The following LHFPL6 variants were observed in gnomAD, a reference collection of about 807,000 sequenced individuals.
The protein encoded by LHFPL6 is LHFPL tetraspan subfamily member 6.
In LHFPL6, 9 loss-of-function variants were observed where a neutral mutation model predicts 20.6. That is an observed-to-expected ratio of 0.44 (90% CI 0.26 to 0.76). The LOEUF (loss-of-function observed/expected upper bound fraction) is 0.76, where lower values mean the gene tolerates loss of function less well. Ranked by LOEUF, LHFPL6 falls within the 30% of genes least tolerant of loss-of-function variation. The pLI, the probability that LHFPL6 is intolerant of heterozygous loss-of-function variation, is 0.20. For missense variants in LHFPL6, 218 were observed against 253.5 expected (o/e 0.86, Z 0.95); for synonymous variants, 105 against 98.7 (o/e 1.06, Z -0.38).
At chr13:39,430,007 T>G (rs1871745896) in intron 2 of LHFPL6, among the ~76,000 whole-genome samples, 2 of 152,226 alleles carry the variant, frequency 1.3e-5, no homozygotes, top group South Asian at 2.1e-4. Flanking sequence ...TCCATCTTAT[T>G]ACTTCAACTT....
At chr13:39,573,173 A>G (rs1375103613) in intron 2 of LHFPL6, among the ~76,000 whole-genome samples, 1 of 152,184 alleles carries the variant, frequency 6.6e-6, no homozygotes, top group Admixed American at 6.5e-5. Flanking sequence ...AACACATTTG[A>G]TAGAGATTTT....
intron 3 of LHFPL6, among the ~76,000 whole-genome samples, chr13:39,354,541 T>C (rs1169828232): frequency 6.6e-6 from 1 of 152,118 alleles, no homozygotes; most frequent in Non-Finnish European, 1.5e-5. Context: ...CTAACCAGAT[T>C]AAAATGGCTC....
rs145803376 is a variant in LHFPL6 at position 39,474,027 on chromosome 13, T to C, written c.386-95501A>G. On this transcript the variant is annotated intron_variant, in intron 2 of 3. Transcript: ENST00000379589. ...CAGAGTTTGGGGAAAGGGTAACTAT[T>C]CAATACAGTCATTGATTCGAGGCCA... Among the ~76,000 whole-genome samples the C allele has an allele frequency of 3.3e-5, 5 of 152,348 alleles. No individual in the cohort carries two copies. In the East Asian group the frequency reaches 9.6e-4, roughly 29 times the overall value.
At chr13:39,367,398 T>G (rs907122053) in intron 3 of LHFPL6, among the ~76,000 whole-genome samples, 17 of 152,328 alleles carry the variant, frequency 1.1e-4, no homozygotes, top group Middle Eastern at 6.8e-3. Context: ...CAAAAATGGC[T>G]TAAAAAATAA....
chr13:39,352,941 G>GTA (rs1419635285), intron 3 of LHFPL6, among the ~76,000 whole-genome samples: 4 of 41,748 alleles, frequency 9.6e-5, no homozygotes, highest in South Asian at 1.2e-3. Flanking sequence ...ATATATGTGT[G>GTA]TATATATATA....
At chr13:39,412,053 A>G (rs1871250468) in intron 2 of LHFPL6, among the ~76,000 whole-genome samples, 1 of 152,230 alleles carries the variant, frequency 6.6e-6, no homozygotes, top group South Asian at 2.1e-4. Flanking sequence ...TTGAATCATC[A>G]TATGGAAGCT....
intron 2 of LHFPL6, among the ~76,000 whole-genome samples, chr13:39,416,863 A>G (rs1287070765): frequency 1.3e-5 from 2 of 152,142 alleles, no homozygotes; most frequent in Non-Finnish European, 2.9e-5. Context: ...ACCTATTTTT[A>G]TCTTCTTGTC....
chr13:39,449,153 C>T (rs918101850), intron 2 of LHFPL6, among the ~76,000 whole-genome samples: 2 of 152,230 alleles, frequency 1.3e-5, no homozygotes, highest in Non-Finnish European at 2.9e-5. Context: ...CAGATACAGA[C>T]GTCCACATCA....
chr13:39,456,080 C>A (rs1409842983), intron 2 of LHFPL6, among the ~76,000 whole-genome samples: 1 of 152,178 alleles, frequency 6.6e-6, no homozygotes, highest in Non-Finnish European at 1.5e-5. Flanking sequence ...AAGAGAAGGA[C>A]ACAATCTTCC....
chr13:39,588,327 G>A (rs998041064), intron 2 of LHFPL6, among the ~76,000 whole-genome samples: 4 of 152,152 alleles, frequency 2.6e-5, no homozygotes, highest in Non-Finnish European at 4.4e-5. Context: ...GTGGGCACTC[G>A]ATAAGTAAAT....
At chr13:39,381,338 G>A (rs1184497223) in intron 2 of LHFPL6, among the ~76,000 whole-genome samples, 1 of 152,264 alleles carries the variant, frequency 6.6e-6, no homozygotes, top group East Asian at 1.9e-4. Context: ...TTAGGCCAGG[G>A]GCTCTCCAAG....
chr13:39,390,872 C>A (rs1218042794), intron 2 of LHFPL6, among the ~76,000 whole-genome samples: 1 of 152,096 alleles, frequency 6.6e-6, no homozygotes, highest in Non-Finnish European at 1.5e-5. Context: ...TGGCGTGCAC[C>A]TGTAATCCCA....
intron 2 of LHFPL6, among the ~76,000 whole-genome samples, chr13:39,510,911 T>C (rs530072021): frequency 2.3e-3 from 344 of 152,164 alleles, no homozygotes; most frequent in African/African-American, 7.8e-3. Flanking sequence ...TCGCTCTTAT[T>C]GCCCAGGCTG....
intron 2 of LHFPL6, among the ~76,000 whole-genome samples, chr13:39,592,966 G>A (rs1206473857): frequency 6.6e-6 from 1 of 152,120 alleles, no homozygotes; most frequent in Non-Finnish European, 1.5e-5. Context: ...ATTGATGGAC[G>A]TATCTCAAAA....
intron 2 of LHFPL6, among the ~76,000 whole-genome samples, chr13:39,441,838 T>A (rs896668162): frequency 8.0e-5 from 12 of 149,188 alleles, no homozygotes; most frequent in African/African-American, 3.0e-4. Flanking sequence ...TTTTTTTTTT[T>A]TTTTTTTTGA....
At chr13:39,509,476 G>A (rs1250462860) in intron 2 of LHFPL6, among the ~76,000 whole-genome samples, 1 of 152,098 alleles carries the variant, frequency 6.6e-6, no homozygotes, top group African/African-American at 2.4e-5. Flanking sequence ...GGTATGTGCT[G>A]AAGTTGGTTT....
At chr13:39,440,003 C>A (rs1031845838) in intron 2 of LHFPL6, among the ~76,000 whole-genome samples, 1 of 152,160 alleles carries the variant, frequency 6.6e-6, no homozygotes, top group Admixed American at 6.5e-5. Flanking sequence ...TTCTCTAGTG[C>A]AACTTCATTA....
chr13:39,455,436 T>A (rs1401433346), intron 2 of LHFPL6, among the ~76,000 whole-genome samples: 1 of 152,214 alleles, frequency 6.6e-6, no homozygotes, highest in Non-Finnish European at 1.5e-5. Context: ...TATTTCCACA[T>A]ACCATCAATA....
intron 2 of LHFPL6, among the ~76,000 whole-genome samples, chr13:39,504,054 A>G (rs1262592517): frequency 1.3e-5 from 2 of 152,228 alleles, no homozygotes; most frequent in African/African-American, 4.8e-5. Context: ...AATGGCAAAA[A>G]TTGCTTTTGC....
Sources: gnomAD v4.1 joint callset for allele counts (sites outside exome capture counted in the v4.1 genomes callset) on GRCh38, gnomAD v4.1.1 for gene constraint, MANE v1.5 for transcripts, NCBI Gene and HGNC (gene_info 2026-07-23, HGNC 2026-07-21) for gene names.